The following NFE2L1 variants were observed in gnomAD, a reference collection of about 807,000 sequenced individuals.
NFE2L1 encodes endoplasmic reticulum membrane sensor NFE2L1.
Under a neutral mutation model 61.6 loss-of-function variants are expected in NFE2L1, and 18 were observed. The observed-to-expected ratio is 0.29, with a 90% CI of 0.20 to 0.43. The LOEUF is 0.43. Ranked by LOEUF, NFE2L1 falls within the 20% of genes least tolerant of loss-of-function variation. NFE2L1 has a pLI of 1.00. For synonymous variants in NFE2L1, 419 were observed against 402.7 expected, an observed-to-expected ratio of 1.04 and a Z score of -0.48; for missense variants, 827 against 973.5, an observed-to-expected ratio of 0.85 and a Z score of 2.00.
chr17:48,060,048 C>CT lies in NFE2L1; in HGVS notation c.*407_*408insT, dbSNP rs926001977. ...AAGGAAGGAAGGAACCCCCCCCCCC[C>CT]CGAAAAAAAAATCAAAGCGGGAAGA... On this transcript the variant is annotated 3_prime_UTR_variant, in exon 6 of 6. Transcript: ENST00000362042. The CT allele has an allele frequency of 2.7e-5, 4 of 150,890 alleles. No individual in the cohort carries two copies. The highest frequency in any genetic ancestry group is 1.0e-4 in the African/African-American group (4 of 38,102). 9.3% of individuals were successfully genotyped at this position (150,890 alleles called of 1,614,324 possible).
At position 48,059,108 on chromosome 17, in the gene NFE2L1, A is replaced by G; in HGVS notation, c.1786A>G (p.Lys596Glu). The change falls in exon 6 of 6, where the codon AAG becomes GAG. Residue 596 changes from lysine (K) to glutamate (E), a missense_variant. By Grantham distance (56) the Lys-to-Glu change is moderately conservative. Coordinates refer to ENST00000362042, the MANE Select transcript of NFE2L1 (RefSeq NM_003204.3). The surrounding 1 kb of genome is among the most constrained non-coding windows in gnomAD (Gnocchi z 6.1). ...SADLPPPSAL[K>E]KGSKEKQADF... Reference sequence around the variant, plus strand: ...CGACCTGCCACCACCCAGTGCCCTCAAGAAAGGCAGCAAGGAGAAGCAGGC... The same window carrying G: ...CGACCTGCCACCACCCAGTGCCCTCGAGAAAGGCAGCAAGGAGAAGCAGGC... 1 of 1,614,104 alleles carries G rather than the reference A, an allele frequency of 6.2e-7. No individual in the cohort carries two copies.
In NFE2L1 at chr17:48,057,101, C is replaced by T. The variant is rs1453275555; in HGVS notation, c.793C>T (p.Pro265Ser). The T allele has an allele frequency of 6.2e-7, 1 of 1,613,400 alleles. No homozygotes were observed. The highest frequency in any genetic ancestry group is 1.1e-5 in the South Asian group (1 of 90,988). Residue 265 changes from proline (P) to serine (S), a missense_variant, in exon 4 of 6, where the codon CCC (proline) becomes TCC (serine). Physicochemically the swap from Pro to Ser is moderately conservative, Grantham distance 74. Transcript: ENST00000362042. ...ECLRLLEATC[P>S]FGENAEFPAD... ...CCTTAGGCTGCTGGAAGCCACCTGC[C>T]CCTTTGGGGAGAATGCTGAGGTGAG...
At chr17:48,056,360 C>T in intron 2 of NFE2L1, 26 bp from the exon 3 acceptor site, 1 of 1,613,276 alleles carries the variant, frequency 6.2e-7, no homozygotes, top group Non-Finnish European at 8.5e-7. Context: ...GATCTTAGAG[C>T]TAAAGTCATG....
intron 2 of NFE2L1, chr17:48,054,234 G>A: frequency 6.5e-6 from 1 of 153,450 alleles, no homozygotes; most frequent in Non-Finnish European, 1.5e-5. Context: ...CAGGAGGGAG[G>A]AGAGTGGCAC....
intron 2 of NFE2L1, among the ~76,000 whole-genome samples, chr17:48,053,547 T>C (rs2037309126): frequency 6.6e-6 from 1 of 152,234 alleles, no homozygotes; most frequent in Non-Finnish European, 1.5e-5. Flanking sequence ...CCTAGGCTGT[T>C]GTCAGGGATA....
At position 48,051,220 on chromosome 17, in the gene NFE2L1, A is replaced by G; in HGVS notation, c.102A>G (p.Ser34=). 1 of 1,614,104 alleles carries G rather than the reference A, an allele frequency of 6.2e-7. No homozygotes were observed. The highest frequency in any genetic ancestry group is 8.5e-7 in the Non-Finnish European group (1 of 1,180,010). ...VRVDVDTYLT[S]QLPPLREIIL... ...TGGACGTGGATACTTACCTGACCTCACAGCTTCCCCCACTCCGGGAGATCA... is the reference window on the plus strand; with the variant it reads ...TGGACGTGGATACTTACCTGACCTCGCAGCTTCCCCCACTCCGGGAGATCA... The change falls in exon 2 of 6, where the codon TCA becomes TCG. Residue 34 remains serine, a synonymous_variant. Coordinates refer to ENST00000362042, the MANE Select transcript of NFE2L1 (RefSeq NM_003204.3).
chr17:48,060,543 C>T lies in NFE2L1; in HGVS notation c.*902C>T, dbSNP rs1051001. 0.053 allele frequency: 8,041 copies of T among 152,982 alleles called. 298 individuals carry two copies. Among genetic ancestry groups the T allele is most frequent in the Middle Eastern group, 0.078 (23 of 294 alleles). The allele number at this position is 152,982 out of a possible 1,614,324, so 9.5% of individuals were successfully genotyped here. On this transcript the variant is annotated 3_prime_UTR_variant, in exon 6 of 6. Transcript: ENST00000362042. The stretch of plus-strand genomic sequence containing the variant: ...TGGTCCGGTGTTTGTGTTCCCCACC[C>T]CTCACAGACTGCCTGAGCTCTTCTG...
chr17:48,051,158 C>A lies in NFE2L1; in HGVS notation c.40C>A (p.Gln14Lys). ...GAAATACTTAACGGAAGGACTTCTCCAGTTCACCATTCTGCTGAGTTTGAT... is the reference window on the plus strand; with the variant it reads ...GAAATACTTAACGGAAGGACTTCTCAAGTTCACCATTCTGCTGAGTTTGAT... ...LKKYLTEGLL[Q>K]FTILLSLIGV... The change falls in exon 2 of 6, where the codon CAG (glutamine) becomes AAG (lysine). Residue 14 changes from glutamine (Q) to lysine (K), a missense_variant. Coordinates refer to ENST00000362042, the MANE Select transcript of NFE2L1 (RefSeq NM_003204.3). 2 of 1,614,194 alleles carry A rather than the reference C, an allele frequency of 1.2e-6. No individual in the cohort carries two copies. The highest frequency in any genetic ancestry group is 1.7e-6 in the Non-Finnish European group (2 of 1,180,036).
Position 48,057,096 on chromosome 17 carries a change from C to T in NFE2L1, c.788C>T (p.Thr263Ile). The T allele has an allele frequency of 1.2e-6, 2 of 1,613,466 alleles. No individual in the cohort carries two copies. The highest frequency in any genetic ancestry group is 8.5e-7 in the Non-Finnish European group (1 of 1,179,900). ...GAGTGCCTTAGGCTGCTGGAAGCCA[C>T]CTGCCCCTTTGGGGAGAATGCTGAG... ...LEECLRLLEATCPFGENAEFP... is the reference protein window; with the variant it reads ...LEECLRLLEAICPFGENAEFP... The change falls in exon 4 of 6, where the codon ACC becomes ATC. Residue 263 changes from threonine (T) to isoleucine (I), a missense_variant. Thr to Ile is a moderately conservative substitution (Grantham distance 89). Coordinates refer to ENST00000362042, the MANE Select transcript of NFE2L1 (RefSeq NM_003204.3).
Position 48,059,763 on chromosome 17 carries a change from G to C in NFE2L1, c.*122G>C, listed in dbSNP as rs940460398. The C allele has an allele frequency of 7.2e-7, 1 of 1,380,818 alleles. No individual in the cohort carries two copies. Among genetic ancestry groups the C allele is most frequent in the African/African-American group, 1.5e-5 (1 of 68,662 alleles). 85.5% of individuals were successfully genotyped at this position (1,380,818 alleles called of 1,614,324 possible). A position where few individuals can be genotyped will look rare whatever the true frequency, so the allele number is the denominator to read the frequency against. On this transcript the variant is annotated 3_prime_UTR_variant, in exon 6 of 6. Coordinates refer to ENST00000362042, the MANE Select transcript of NFE2L1 (RefSeq NM_003204.3). The surrounding 1 kb of genome is among the most constrained non-coding windows in gnomAD (Gnocchi z 6.1). The stretch of plus-strand genomic sequence containing the variant: ...CCTTCTTATCCAATATATCTTCTCA[G>C]ATGGGATGACTGCGGGTCAGTGTAC...
At position 48,050,597 on chromosome 17, in the gene NFE2L1, C is replaced by T. The variant is rs1423557115; in HGVS notation, c.-512-10C>T. The T allele has an allele frequency of 2.4e-6, 1 of 408,224 alleles. No homozygotes were observed. The highest frequency in any genetic ancestry group is 2.1e-5 in the African/African-American group (1 of 48,670). 25.3% of individuals were successfully genotyped at this position (408,224 alleles called of 1,614,324 possible). A position where few individuals can be genotyped will look rare whatever the true frequency, so the allele number is the denominator to read the frequency against. On this transcript the variant is annotated splice_polypyrimidine_tract_variant and intron_variant, in intron 1 of 5. Transcript: ENST00000362042. ...ATCTTATCCTGTTGCTTTTGTGATT[C>T]CCATTTCAGGTTTCTCTGGAAACCC...
chr17:48,058,236 T>A, intron 5 of NFE2L1, 59 bp from the exon 6 acceptor site: 1 of 1,517,540 alleles, frequency 6.6e-7, no homozygotes, highest in Non-Finnish European at 8.8e-7. Flanking sequence ...CTGCAGTGTG[T>A]GAGCCCCAGG....
chr17:48,054,859 C>A (rs775898077), intron 2 of NFE2L1: 4 of 1,350,680 alleles, frequency 3.0e-6, no homozygotes, highest in African/African-American at 3.1e-5. Context: ...CTGGCTGGGC[C>A]GCCCAGGCAG....
intron 1 of NFE2L1, among the ~76,000 whole-genome samples, chr17:48,049,660 T>C (rs997105358): frequency 1.3e-5 from 2 of 152,284 alleles, no homozygotes; most frequent in Non-Finnish European, 2.9e-5. Context: ...CCCGAAGTGC[T>C]GGGATTACAG....
At chr17:48,054,787 G>A in intron 2 of NFE2L1, 1 of 1,317,822 alleles carries the variant, frequency 7.6e-7, no homozygotes, top group Non-Finnish European at 9.7e-7. Flanking sequence ...GGGCAGCTGG[G>A]CGCCTGAGTG....
At chr17:48,053,790 GAT>G (rs1164029126) in intron 2 of NFE2L1, among the ~76,000 whole-genome samples, 1 of 152,160 alleles carries the variant, frequency 6.6e-6, no homozygotes, top group East Asian at 1.9e-4. Context: ...GCTTGGATGA[GAT>G]ATGGGCCAGG....
At chr17:48,051,716 A>G in intron 2 of NFE2L1, 88 bp downstream of exon 2, 2 of 1,490,062 alleles carry the variant, frequency 1.3e-6, no homozygotes, top group Non-Finnish European at 1.8e-6. Flanking sequence ...TGAGCCCTGT[A>G]AAGAGCCAGA....
At chr17:48,054,084 C>A (rs73985471) in intron 2 of NFE2L1, among the ~76,000 whole-genome samples, 232 of 152,294 alleles carry the variant, frequency 1.5e-3, no homozygotes, top group African/African-American at 5.4e-3. Context: ...GGCTCGTGAT[C>A]CCTGGCCTTG....
At chr17:48,058,185 T>C (rs1598292068) in intron 5 of NFE2L1, 110 bp from the exon 6 acceptor site, 3 of 1,445,090 alleles carry the variant, frequency 2.1e-6, no homozygotes, top group Non-Finnish European at 2.8e-6. Context: ...GTTTATAGTA[T>C]TTTGCCTTTA....
Sources: gnomAD v4.1 joint callset for allele counts (sites outside exome capture counted in the v4.1 genomes callset) on GRCh38, gnomAD v4.1.1 for gene constraint, Gnocchi (gnomAD v3.1) non-coding constraint, MANE v1.5 for transcripts, NCBI Gene and HGNC (gene_info 2026-07-23, HGNC 2026-07-21) for gene names.